The following RARB variants were observed in gnomAD, a reference collection of about 807,000 sequenced individuals.
The protein encoded by RARB is retinoic acid receptor beta, also known as HBV-activated protein.
Under a neutral mutation model 51.9 loss-of-function variants are expected in RARB, and 17 were observed. The observed-to-expected ratio is 0.33, with a 90% CI of 0.22 to 0.49. The LOEUF (loss-of-function observed/expected upper bound fraction) is 0.49, where lower values mean the gene tolerates loss of function less well. Among genes scored for constraint, RARB ranks in the 20% least tolerant of loss-of-function variants. RARB has a pLI of 0.99. For missense variants in RARB, 369 were observed against 550.8 expected, an observed-to-expected ratio of 0.67 and a Z score of 3.30; for synonymous variants, 215 against 195.4, an observed-to-expected ratio of 1.10 and a Z score of -0.84.
chr3:25,141,123 ATG>A (rs777154721), intron 4 of RARB, among the ~76,000 whole-genome samples: 7 of 152,282 alleles, frequency 4.6e-5, no homozygotes, highest in East Asian at 1.9e-4. Flanking sequence ...ATATTAAAAA[ATG>A]TGTCTCTTTT....
chr3:24,970,599 AC>A (rs1696375972), intron 2 of RARB, among the ~76,000 whole-genome samples: 1 of 150,716 alleles, frequency 6.6e-6, no homozygotes, highest in African/African-American at 2.4e-5. Context: ...ACACACACAC[AC>A]ACACAAACAC....
chr3:24,842,697 C>A (rs1016080015), intron 1 of RARB, among the ~76,000 whole-genome samples: 4 of 152,148 alleles, frequency 2.6e-5, no homozygotes, highest in Non-Finnish European at 2.9e-5. Flanking sequence ...ACTCTATACC[C>A]ATTTTCTTTA....
intron 2 of RARB, among the ~76,000 whole-genome samples, chr3:25,053,918 A>G (rs529209654): frequency 6.6e-6 from 1 of 152,268 alleles, no homozygotes; most frequent in Non-Finnish European, 1.5e-5. Flanking sequence ...TATCTTTGGA[A>G]AGGAACATAT....
intron 1 of RARB, among the ~76,000 whole-genome samples, chr3:24,856,316 T>C (rs1282280262): frequency 2.6e-5 from 4 of 152,082 alleles, no homozygotes; most frequent in African/African-American, 9.7e-5. Flanking sequence ...CTGGATTGAA[T>C]ATTCAGGGGA....
chr3:25,265,024 T>A (rs1310434547), intron 5 of RARB, among the ~76,000 whole-genome samples: 1 of 152,206 alleles, frequency 6.6e-6, no homozygotes, highest in African/African-American at 2.4e-5. Context: ...CAAAACGGGC[T>A]CTGTGAAACA....
chr3:25,179,797 C>T (rs569590569), intron 5 of RARB, among the ~76,000 whole-genome samples: 8 of 152,238 alleles, frequency 5.3e-5, no homozygotes, highest in African/African-American at 1.9e-4. Context: ...TCTTTTCCCC[C>T]CAAAAACAAG....
At chr3:24,872,644 G>A (rs960754828) in intron 2 of RARB, among the ~76,000 whole-genome samples, 3 of 152,018 alleles carry the variant, frequency 2.0e-5, no homozygotes, top group Non-Finnish European at 2.9e-5. Context: ...CAGCTCTCAC[G>A]TGAATAGATG....
At chr3:24,942,166 A>G (rs1052519598) in intron 2 of RARB, among the ~76,000 whole-genome samples, 1 of 152,224 alleles carries the variant, frequency 6.6e-6, no homozygotes, top group Non-Finnish European at 1.5e-5. Flanking sequence ...GACTGAAACC[A>G]GGTTTCATGG....
At chr3:25,261,860 G>C (rs978029354) in intron 5 of RARB, among the ~76,000 whole-genome samples, 1 of 151,930 alleles carries the variant, frequency 6.6e-6, no homozygotes, top group African/African-American at 2.4e-5. Flanking sequence ...CCCAAAATTC[G>C]GTGCTTCCTT....
Position 24,991,747 on chromosome 3 carries a change from G to C in RARB, c.-379-68378G>C, listed in dbSNP as rs182713730. Among the ~76,000 whole-genome samples the C allele has an allele frequency of 2.0e-5, 3 of 151,142 alleles. No individual in the cohort carries two copies. The East Asian group carries it at 5.8e-4, about 29-fold the overall frequency. On this transcript the variant is annotated intron_variant, in intron 2 of 11. Transcript: ENST00000383772. Reference sequence around the variant, plus strand: ...CAAATGCTTTTGCTGCATCTGCTGAGCCATATGGAGGGTGTTTTTTTTTTT... The same window carrying C: ...CAAATGCTTTTGCTGCATCTGCTGACCCATATGGAGGGTGTTTTTTTTTTT...
chr3:24,988,909 T>C lies in RARB; in HGVS notation c.-379-71216T>C, dbSNP rs184173033. On this transcript the variant is annotated intron_variant, in intron 2 of 11. Transcript: ENST00000383772. ...GGCGCAATCTGGGCTCACTGCAACC[T>C]CCGCTTCCCAGGCTCAAGCAATTCT... is the stretch of plus-strand genomic sequence containing the variant. Among the ~76,000 whole-genome samples the C allele has an allele frequency of 8.1e-3, 1,232 of 152,296 alleles. 18 individuals carry two copies. The highest frequency in any genetic ancestry group is 0.024 in the Middle Eastern group (7 of 294).
intron 5 of RARB, among the ~76,000 whole-genome samples, chr3:25,309,192 G>A (rs1451164450): frequency 7.2e-6 from 1 of 138,288 alleles, no homozygotes; most frequent in Non-Finnish European, 1.5e-5. Flanking sequence ...AGGCTGGAGT[G>A]CAGTGTGGTG....
At position 25,596,773 on chromosome 3, in the gene RARB, T is replaced by C; in HGVS notation, c.*157T>C. 1.8e-6 allele frequency: 1 copy of C among 541,234 alleles called. No homozygotes were observed. The highest frequency in any genetic ancestry group is 3.1e-6 in the Non-Finnish European group (1 of 327,150). The allele number at this position is 541,234 out of a possible 1,614,324, so 33.5% of individuals were successfully genotyped here. A position where few individuals can be genotyped will look rare whatever the true frequency, so the allele number is the denominator to read the frequency against. On this transcript the variant is annotated 3_prime_UTR_variant, in exon 8 of 8. Transcript: ENST00000330688. ...TTTTCATATGTATCAATATATATAC[T>C]CCTCACTGTGTAACTTACCTAGAAA... is the stretch of plus-strand genomic sequence containing the variant.
intron 2 of RARB, among the ~76,000 whole-genome samples, chr3:24,948,467 G>C (rs577752703): frequency 2.0e-5 from 3 of 152,298 alleles, no homozygotes; most frequent in South Asian, 2.1e-4. Flanking sequence ...TTTCTATCAA[G>C]TTCCTTTCTT....
At chr3:24,879,444 T>A (rs980288669) in intron 2 of RARB, among the ~76,000 whole-genome samples, 11 of 131,904 alleles carry the variant, frequency 8.3e-5, no homozygotes, top group Non-Finnish European at 1.2e-4. Flanking sequence ...TAAAAAAAAA[T>A]AAAAAATAAA....
At chr3:25,204,684 G>T (rs1359553263) in intron 5 of RARB, among the ~76,000 whole-genome samples, 1 of 152,162 alleles carries the variant, frequency 6.6e-6, no homozygotes, top group African/African-American at 2.4e-5. Context: ...GTTTGCTGGA[G>T]GTTCACTCCA....
chr3:25,371,793 G>T (rs1454282209), intron 5 of RARB, among the ~76,000 whole-genome samples: 1 of 152,184 alleles, frequency 6.6e-6, no homozygotes, highest in Non-Finnish European at 1.5e-5. Context: ...TTCCCAGCTC[G>T]CAGGAGCTAA....
At chr3:25,490,932 A>G (rs1331372551) in intron 2 of RARB, among the ~76,000 whole-genome samples, 2 of 152,184 alleles carry the variant, frequency 1.3e-5, no homozygotes, top group Non-Finnish European at 2.9e-5. Flanking sequence ...TGCATTTTAG[A>G]GGCTTCGTTT....
chr3:25,259,934 A>T (rs1702956159), intron 5 of RARB: 2 of 985,132 alleles, frequency 2.0e-6, no homozygotes, highest in Non-Finnish European at 2.4e-6. Context: ...TCTCTTTGGC[A>T]TTCATGGAGG....
Sources: allele counts gnomAD v4.1 joint callset (sites outside exome capture counted in the v4.1 genomes callset), GRCh38; gene constraint gnomAD v4.1.1; transcripts MANE v1.5; gene names NCBI Gene and HGNC (gene_info 2026-07-23, HGNC 2026-07-21).